Variants in SDK1 observed in about 807,000 individuals in gnomAD.
The protein encoded by SDK1 is protein sidekick-1.
SDK1 carries 157 observed loss-of-function variants against 245.5 expected under a neutral mutation model. The observed-to-expected ratio is 0.64, with a 90% confidence interval of 0.56 to 0.73. SDK1 has a LOEUF of 0.73. Among genes scored for constraint, SDK1 ranks in the 30% least tolerant of loss-of-function variants. SDK1 has a pLI of 0.00. For synonymous variants in SDK1, 1,647 were observed against 1,278.5 expected (o/e 1.29, Z -6.15); for missense variants, 3,583 against 3,002.3 (o/e 1.19, Z -4.52).
chr7:4,145,963 G>A (rs1387377392), intron 29 of SDK1, 47 bp downstream of exon 29: 1 of 1,507,254 alleles, frequency 6.6e-7, no homozygotes, highest in Non-Finnish European at 9.0e-7. Context: ...TGTGGGCACA[G>A]CTTCCTCAAT....
Position 3,660,486 on chromosome 7 carries a change from A to AAC in SDK1, c.713+18382_713+18383insCA, listed in dbSNP as rs551772896. On this transcript the variant is annotated intron_variant, in intron 4 of 44. Coordinates refer to ENST00000404826, the MANE Select transcript of SDK1 (RefSeq NM_152744.4). ...GGAGACAGAAGTGGAGAGAGAGAGA[A>AAC]AGAGAGAGAGAGATGGGAGAGCCTA... Among the ~76,000 whole-genome samples the AAC allele has an allele frequency of 1.7e-4, 26 of 151,778 alleles. No homozygotes were observed. In the South Asian group the frequency reaches 5.2e-3, roughly 31 times the overall value.
chr7:3,351,227 CT>C (rs1780651585), intron 1 of SDK1, among the ~76,000 whole-genome samples: 1 of 152,006 alleles, frequency 6.6e-6, no homozygotes, highest in African/African-American at 2.4e-5. Flanking sequence ...ATTTTATGTC[CT>C]ATGTTTTGCT....
intron 5 of SDK1, among the ~76,000 whole-genome samples, chr7:3,895,798 A>G (rs1781589554): frequency 6.6e-6 from 1 of 152,172 alleles, no homozygotes; most frequent in Non-Finnish European, 1.5e-5. Context: ...TTCTTTCATG[A>G]CAAAATATCT....
chr7:3,775,660 T>C (rs1780534344), intron 4 of SDK1, among the ~76,000 whole-genome samples: 2 of 151,380 alleles, frequency 1.3e-5, no homozygotes, highest in Admixed American at 6.6e-5. Context: ...CACTCCAAGC[T>C]CTGCTTCCCG....
rs1424747404 is a variant in SDK1, at chr7:4,011,054, A to G, written c.2220A>G (p.Gln740=). The G allele has an allele frequency of 1.9e-6, 3 of 1,614,078 alleles. No homozygotes were observed. Among genetic ancestry groups the G allele is most frequent in the African/African-American group, 1.3e-5 (1 of 74,944 alleles). Residue 740 remains glutamine, a synonymous_variant, in exon 15 of 45, where the codon CAA becomes CAG. Transcript: ENST00000404826. ...VSGLTPARTY[Q]FRVCAVNEVG... ...GCCTGACTCCGGCTCGTACCTATCAATTCCGGGTGTGCGCGGTGAATGAAG... is the reference window on the plus strand; with the variant it reads ...GCCTGACTCCGGCTCGTACCTATCAGTTCCGGGTGTGCGCGGTGAATGAAG...
intron 5 of SDK1, among the ~76,000 whole-genome samples, chr7:3,929,247 G>T (rs1779888835): frequency 6.6e-6 from 1 of 152,168 alleles, no homozygotes; most frequent in Non-Finnish European, 1.5e-5. Context: ...TGATTATTTT[G>T]ACTTGATGAA....
rs1392930455 is a variant in SDK1, at chr7:4,114,174, G to T, written c.3723G>T (p.Glu1241Asp). Residue 1241 changes from glutamate to aspartate, a missense_variant, in exon 25 of 45, where the codon GAG (glutamate) becomes GAT (aspartate). By Grantham distance (45) the Glu-to-Asp change is conservative. Coordinates refer to ENST00000404826, the MANE Select transcript of SDK1 (RefSeq NM_152744.4). ...TGGAGAGAGAATTCACCATCGAGGA[G>T]CTGGAGGAGTGGATGGAATACGAGC... ...DRLEREFTIE[E>D]LEEWMEYELQ... 21 of 1,614,074 alleles carry T rather than the reference G, an allele frequency of 1.3e-5. No homozygotes were observed. Among genetic ancestry groups the T allele is most frequent in the Non-Finnish European group, 1.8e-5 (21 of 1,180,050 alleles).
chr7:4,083,582 T>G (rs921820723), intron 22 of SDK1, among the ~76,000 whole-genome samples: 2 of 77,302 alleles, frequency 2.6e-5, no homozygotes, highest in African/African-American at 1.1e-4. Context: ...GCCTCCCTCC[T>G]CCCTTCTTTC....
At chr7:4,078,036 C>T (rs1165801139) in intron 21 of SDK1, among the ~76,000 whole-genome samples, 1 of 152,182 alleles carries the variant, frequency 6.6e-6, no homozygotes, top group Admixed American at 6.5e-5. Flanking sequence ...GTTAGCTGAC[C>T]TCCGGAAGGC....
intron 7 of SDK1, among the ~76,000 whole-genome samples, chr7:3,954,738 A>G (rs755106274): frequency 2.0e-5 from 3 of 150,118 alleles, no homozygotes; most frequent in Non-Finnish European, 4.4e-5. Context: ...ACATCCATAA[A>G]ATGGAGATGG....
At chr7:3,768,701 T>C (rs1050530877) in intron 4 of SDK1, among the ~76,000 whole-genome samples, 1 of 152,216 alleles carries the variant, frequency 6.6e-6, no homozygotes, top group Non-Finnish European at 1.5e-5. Context: ...GGCACAGAGC[T>C]GTAGGTACAC....
At chr7:3,762,566 G>A (rs1780139242) in intron 4 of SDK1, among the ~76,000 whole-genome samples, 1 of 152,192 alleles carries the variant, frequency 6.6e-6, no homozygotes, top group African/African-American at 2.4e-5. Context: ...GGTTGGTTGG[G>A]TACTTTTAGC....
At position 3,733,361 on chromosome 7, in the gene SDK1, G is replaced by A. The variant is rs532493452; in HGVS notation, c.714-88089G>A. ...GTAGTGGTTATAAATTATCTGTAGCGTCTCATTCATTAGAGACTATCTTAT... is the reference window on the plus strand; with the variant it reads ...GTAGTGGTTATAAATTATCTGTAGCATCTCATTCATTAGAGACTATCTTAT... On this transcript the variant is annotated intron_variant, in intron 4 of 44. Transcript: ENST00000404826. 2.0e-4 allele frequency among the ~76,000 whole-genome samples: 30 copies of A among 152,190 alleles called. No individual in the cohort carries two copies. In the South Asian group the frequency reaches 4.4e-3, roughly 22 times the overall value.
chr7:3,484,712 C>A (rs1298715977), intron 1 of SDK1, among the ~76,000 whole-genome samples: 2 of 152,182 alleles, frequency 1.3e-5, no homozygotes, highest in Non-Finnish European at 2.9e-5. Flanking sequence ...TCACTACCTC[C>A]ACAAGATCGG....
At chr7:3,861,651 A>G (rs1387851058) in intron 5 of SDK1, among the ~76,000 whole-genome samples, 1 of 152,208 alleles carries the variant, frequency 6.6e-6, no homozygotes, top group East Asian at 1.9e-4. Context: ...TTTGGGGCTA[A>G]CACTTCTTTA....
intron 44 of SDK1, among the ~76,000 whole-genome samples, chr7:4,264,268 A>T (rs1298766317): frequency 1.4e-5 from 1 of 69,156 alleles, no homozygotes; most frequent in African/African-American, 5.9e-5. Flanking sequence ...CTGAGTGGGG[A>T]GGCCGCGTAG....
At chr7:3,504,178 A>ATG (rs1159786202) in intron 1 of SDK1, among the ~76,000 whole-genome samples, 1 of 52,390 alleles carries the variant, frequency 1.9e-5, no homozygotes, top group Non-Finnish European at 4.0e-5. Flanking sequence ...TTATATATAT[A>ATG]TATATGTGTG....
intron 5 of SDK1, among the ~76,000 whole-genome samples, chr7:3,947,132 C>G (rs1156953402): frequency 6.6e-6 from 1 of 152,036 alleles, no homozygotes; most frequent in African/African-American, 2.4e-5. Context: ...ACCATTGTAA[C>G]TCTAAGATAT....
chr7:3,723,927 T>TAC (rs1265985642), intron 4 of SDK1, among the ~76,000 whole-genome samples: 1 of 109,068 alleles, frequency 9.2e-6, no homozygotes, highest in Non-Finnish European at 1.9e-5. Context: ...TATACACGTA[T>TAC]ATATATATAT....
Sources: allele counts gnomAD v4.1 joint callset (sites outside exome capture counted in the v4.1 genomes callset), GRCh38; gene constraint gnomAD v4.1.1; transcripts MANE v1.5; gene names NCBI Gene and HGNC (gene_info 2026-07-23, HGNC 2026-07-21).